CREBRF: variants seen among roughly 807,000 people sequenced by gnomAD.
CREBRF encodes the protein CREB3 regulatory factor, also known as UPF0474 protein C5orf41.
Under a neutral mutation model 66.1 loss-of-function variants are expected in CREBRF, and 5 were observed. That is an observed-to-expected ratio of 0.08 (90% CI 0.04 to 0.16). The LOEUF is 0.16. CREBRF is among the 10% of genes least tolerant of loss of function. The pLI, the probability that CREBRF is intolerant of heterozygous loss-of-function variation, is 1.00. For missense variants in CREBRF, 531 were observed against 744.9 expected (o/e 0.71, Z 3.34); for synonymous variants, 229 against 264.4 (o/e 0.87, Z 1.30).
At chr5:173,091,516 A>G in intron 4 of CREBRF, 115 bp downstream of exon 4, 1 of 1,494,954 alleles carries the variant, frequency 6.7e-7, no homozygotes, top group Non-Finnish European at 8.9e-7. Context: ...TGGGAATTAA[A>G]TGACTTAAAC....
At chr5:173,126,755 T>C (rs1759284377) in intron 8 of CREBRF, among the ~76,000 whole-genome samples, 1 of 152,246 alleles carries the variant, frequency 6.6e-6, no homozygotes, top group Non-Finnish European at 1.5e-5. Context: ...TTGCCATACA[T>C]GTCTTAAAGC....
chr5:173,122,390 T>C (rs1014299533), intron 7 of CREBRF, among the ~76,000 whole-genome samples: 1 of 152,152 alleles, frequency 6.6e-6, no homozygotes, highest in African/African-American at 2.4e-5. Flanking sequence ...CGTGAGCCAC[T>C]GCACCTGGCT....
At chr5:173,106,498 A>G (rs554043731) in intron 4 of CREBRF, among the ~76,000 whole-genome samples, 2 of 152,284 alleles carry the variant, frequency 1.3e-5, no homozygotes, top group South Asian at 4.1e-4. Context: ...TACCACGTGT[A>G]CACTAATAAA....
At chr5:173,124,919 C>CT (rs373993898) in intron 8 of CREBRF, among the ~76,000 whole-genome samples, 2,887 of 112,756 alleles carry the variant, frequency 0.026, 40 homozygotes, top group Middle Eastern at 0.05. Context: ...TCTTCTTCTT[C>CT]TTTTTTTTTT....
At chr5:173,073,794 C>T (rs1211057659) in intron 1 of CREBRF, among the ~76,000 whole-genome samples, 5 of 151,868 alleles carry the variant, frequency 3.3e-5, no homozygotes, top group South Asian at 2.1e-4. Flanking sequence ...GGTGAAACAC[C>T]GTCTCTACTA....
intron 7 of CREBRF, among the ~76,000 whole-genome samples, chr5:173,117,501 C>A (rs565230601): frequency 7.2e-6 from 1 of 139,662 alleles, no homozygotes; most frequent in Non-Finnish European, 1.6e-5. Context: ...TTTTTCCTTT[C>A]CTTTTTGCCT....
chr5:173,064,313 T>C (rs1418320683), intron 1 of CREBRF, among the ~76,000 whole-genome samples: 1 of 152,132 alleles, frequency 6.6e-6, no homozygotes, highest in Non-Finnish European at 1.5e-5. Context: ...AAAGATTCAT[T>C]GTAGAATTCC....
chr5:173,087,350 T>G (rs928953035), intron 3 of CREBRF, among the ~76,000 whole-genome samples: 2 of 152,062 alleles, frequency 1.3e-5, no homozygotes, highest in African/African-American at 2.4e-5. Context: ...CCCAAAATGC[T>G]GGGATTACAG....
intron 2 of CREBRF, chr5:173,085,345 A>T: frequency 8.1e-7 from 1 of 1,228,352 alleles, no homozygotes; most frequent in South Asian, 1.2e-5. Context: ...TCATAGCAGC[A>T]CACACCTGCG....
chr5:173,089,176 C>CAAA (rs369433965), intron 3 of CREBRF, among the ~76,000 whole-genome samples: 1 of 70,366 alleles, frequency 1.4e-5, no homozygotes. Flanking sequence ...GACTCCATCT[C>CAAA]AAAAAAAAAA....
chr5:173,131,066 G>T (rs1759413010), intron 8 of CREBRF, among the ~76,000 whole-genome samples: 1 of 152,230 alleles, frequency 6.6e-6, no homozygotes, highest in East Asian at 1.9e-4. Context: ...CCCAGGCTAA[G>T]CTCAAGTGAT....
intron 1 of CREBRF, among the ~76,000 whole-genome samples, chr5:173,066,808 C>CTT (rs34093582): frequency 0.017 from 1,067 of 63,056 alleles, no homozygotes; most frequent in East Asian, 0.03. Context: ...TTCATTGAAT[C>CTT]TTTTTTTTTT....
chr5:173,065,666 TTC>T (rs1376404463), intron 1 of CREBRF, among the ~76,000 whole-genome samples: 14 of 77,174 alleles, frequency 1.8e-4, no homozygotes, highest in African/African-American at 5.9e-4. Context: ...TTTCTTCTTC[TTC>T]TTTTTTTTTT....
chr5:173,127,204 C>T (rs1759298684), intron 8 of CREBRF, among the ~76,000 whole-genome samples: 1 of 147,524 alleles, frequency 6.8e-6, no homozygotes, highest in African/African-American at 2.5e-5. Context: ...CCTCTGTCAC[C>T]CAGGCTAGAG....
intron 4 of CREBRF, among the ~76,000 whole-genome samples, chr5:173,106,992 C>A (rs1233804823): frequency 6.6e-6 from 1 of 152,144 alleles, no homozygotes; most frequent in Non-Finnish European, 1.5e-5. Context: ...TCAGGTGATC[C>A]GCCCACCTTG....
At chr5:173,087,225 G>A (rs1009998869) in intron 3 of CREBRF, among the ~76,000 whole-genome samples, 5 of 152,080 alleles carry the variant, frequency 3.3e-5, no homozygotes, top group African/African-American at 1.2e-4. Flanking sequence ...GGGATTACAG[G>A]CATGAGTCAC....
intron 4 of CREBRF, among the ~76,000 whole-genome samples, chr5:173,108,221 C>A (rs1758793498): frequency 6.6e-6 from 1 of 151,912 alleles, no homozygotes; most frequent in Non-Finnish European, 1.5e-5. Flanking sequence ...GTTTCAGATA[C>A]AAATATTAGA....
rs1757080992 is a variant in CREBRF at position 173,057,139 on chromosome 5, GGCTGAGGGGCGGAGCCCTCAGA to G, written c.-192+667_-192+688del. 2.6e-5 allele frequency among the ~76,000 whole-genome samples: 4 copies of G among 152,172 alleles called. No individual in the cohort carries two copies. The South Asian group carries it at 8.3e-4, about 31-fold the overall frequency. ...ATGTCTTCTCAAAGCAGCTTGAAGC[GGCTGAGGGGCGGAGCCCTCAGA>G]GCTGAGTGGCAGGCTCTGGCGTCCA... On this transcript the variant is annotated intron_variant, in intron 1 of 8. Transcript: ENST00000296953.
At chr5:173,109,463 G>C (rs565751290) in intron 5 of CREBRF, 1 of 152,118 alleles carries the variant, frequency 6.6e-6, no homozygotes, top group Non-Finnish European at 1.5e-5. Flanking sequence ...GCGATAGAGT[G>C]AGATCCTGTC....
Sources: gnomAD v4.1 joint callset for allele counts (sites outside exome capture counted in the v4.1 genomes callset) on GRCh38, gnomAD v4.1.1 for gene constraint, MANE v1.5 for transcripts, NCBI Gene and HGNC (gene_info 2026-07-23, HGNC 2026-07-21) for gene names.